STT3A: variants seen among roughly 807,000 people sequenced by gnomAD.
The protein encoded by STT3A is dolichyl-diphosphooligosaccharide--protein glycosyltransferase subunit STT3A.
A neutral mutation model predicts 89.2 loss-of-function variants in STT3A; 34 were observed. The ratio of observed to expected loss-of-function variants is 0.38; its 90% CI spans 0.29 to 0.51. The LOEUF (loss-of-function observed/expected upper bound fraction) is 0.51, where lower values mean the gene tolerates loss of function less well. Among genes scored for constraint, STT3A ranks in the 20% least tolerant of loss-of-function variants. The pLI, the probability that STT3A is intolerant of heterozygous loss-of-function variation, is 0.89. For synonymous variants in STT3A, 282 were observed against 310.3 expected (o/e 0.91, Z 0.96); for missense variants, 555 against 889.5 (o/e 0.62, Z 4.78).
intron 6 of STT3A, among the ~76,000 whole-genome samples, chr11:125,605,421 CATTA>C (rs1382343674): frequency 2.0e-5 from 3 of 152,134 alleles, no homozygotes; most frequent in African/African-American, 7.2e-5. Context: ...GCTTTACAGG[CATTA>C]ATTATATTTG....
chr11:125,613,206 G>A lies in STT3A; in HGVS notation c.1554+29G>A. Reference sequence around the variant, plus strand: ...AAGATTTGGGAGGGGTGGGAATTGTGGGTTAGGGGCAAAGGGGAAGACATT... The same window carrying A: ...AAGATTTGGGAGGGGTGGGAATTGTAGGTTAGGGGCAAAGGGGAAGACATT... On this transcript the variant is annotated intron_variant, in intron 13 of 17. Coordinates refer to ENST00000392708, the MANE Select transcript of STT3A (RefSeq NM_152713.5). The surrounding 1 kb of genome is among the most constrained non-coding windows in gnomAD (Gnocchi z 4.2). The A allele has an allele frequency of 6.2e-7, 1 of 1,609,750 alleles. No individual in the cohort carries two copies. The highest frequency in any genetic ancestry group is 8.5e-7 in the Non-Finnish European group (1 of 1,177,474).
At chr11:125,598,211 CA>C (rs900018778) in intron 3 of STT3A, among the ~76,000 whole-genome samples, 7 of 144,074 alleles carry the variant, frequency 4.9e-5, no homozygotes, top group Admixed American at 7.0e-5. Flanking sequence ...GGCTCCATCT[CA>C]AAAAAAAAAG....
chr11:125,609,758 A>T, intron 10 of STT3A, 169 bp downstream of exon 10: 1 of 647,874 alleles, frequency 1.5e-6, no homozygotes, highest in Non-Finnish European at 2.4e-6. Flanking sequence ...CAGAAGTCAG[A>T]AGTTCAACAG....
rs940331095 is a variant in STT3A, at chr11:125,613,832, T to G, written c.1555-255T>G. 3 of 414,084 alleles carry G rather than the reference T, an allele frequency of 7.2e-6. No homozygotes were observed. Among genetic ancestry groups the G allele is most frequent in the Non-Finnish European group, 1.3e-5 (3 of 224,554 alleles). The allele number at this position is 414,084 out of a possible 1,614,324, so 25.7% of individuals were successfully genotyped here. On this transcript the variant is annotated intron_variant, in intron 13 of 17. Coordinates refer to ENST00000392708, the MANE Select transcript of STT3A (RefSeq NM_152713.5). The surrounding 1 kb of genome is among the most constrained non-coding windows in gnomAD (Gnocchi z 4.2). ...CAGTCTCCCACACCTCCCACCCCAT[T>G]ATGTTAGTATAAAGTGACCTGGGAT...
intron 17 of STT3A, 45 bp from the exon 18 acceptor site, chr11:125,620,727 A>G (rs1056345930): frequency 4.4e-6 from 7 of 1,600,046 alleles, no homozygotes; most frequent in Non-Finnish European, 6.0e-6. Flanking sequence ...ATTTCTCCAA[A>G]GTTGATCTGA....
intron 3 of STT3A, among the ~76,000 whole-genome samples, chr11:125,600,734 G>A (rs1939647497): frequency 6.6e-6 from 1 of 152,132 alleles, no homozygotes; most frequent in Non-Finnish European, 1.5e-5. Context: ...TCCATTTAAA[G>A]CTCTTAAGCA....
At chr11:125,599,417 T>C (rs1939605784) in intron 3 of STT3A, among the ~76,000 whole-genome samples, 1 of 152,180 alleles carries the variant, frequency 6.6e-6, no homozygotes, top group South Asian at 2.1e-4. Flanking sequence ...TTTGTCTGTC[T>C]TCCTTTTTTT....
chr11:125,602,396 A>C lies in STT3A; in HGVS notation c.243A>C (p.Gly81=). Residue 81 remains glycine, a synonymous_variant, in exon 4 of 18, where the codon GGA becomes GGC. Transcript: ENST00000392708. ...ATGACCGAGCCTGGTACCCTTTGGG[A>C]CGAATCATTGGAGGAACAATTTACC... is the stretch of plus-strand genomic sequence containing the variant. ...WFDDRAWYPL[G]RIIGGTIYPG... is the part of the protein sequence containing the mutation. 6.2e-7 allele frequency: 1 copy of C among 1,612,488 alleles called. No homozygotes were observed. The highest frequency in any genetic ancestry group is 8.5e-7 in the Non-Finnish European group (1 of 1,179,416).
At chr11:125,602,272 A>C (rs1939705594) in intron 3 of STT3A, 31 bp from the exon 4 acceptor site, 4 of 1,604,558 alleles carry the variant, frequency 2.5e-6, no homozygotes, top group East Asian at 2.2e-5. Context: ...ATTCACCACA[A>C]ATTTACAACA....
intron 5 of STT3A, chr11:125,603,282 C>CA (rs1939736940): frequency 5.1e-6 from 1 of 196,548 alleles, no homozygotes; most frequent in Non-Finnish European, 1.0e-5. Flanking sequence ...TGAAACATTC[C>CA]AAAACGGTTA....
chr11:125,594,058 A>T (rs986173642), intron 1 of STT3A, among the ~76,000 whole-genome samples: 1 of 152,198 alleles, frequency 6.6e-6, no homozygotes, highest in East Asian at 1.9e-4. Context: ...AGATAGCTAG[A>T]AGAGTGGATT....
chr11:125,602,376 C>T lies in STT3A; in HGVS notation c.223C>T (p.Arg75Ter), dbSNP rs763165967. The T allele has an allele frequency of 5.6e-6, 9 of 1,613,192 alleles. No homozygotes were observed. Among genetic ancestry groups the T allele is most frequent in the Admixed American group, 3.3e-5 (2 of 59,906 alleles). Residue 75 changes from arginine to a stop codon, truncating the protein, a stop_gained, in exon 4 of 18, where the codon CGA becomes TGA. Coordinates refer to ENST00000392708, the MANE Select transcript of STT3A (RefSeq NM_152713.5). LOFTEE classifies it high-confidence loss of function. ...TAAATTCCATAACTGGTTTGATGAC[C>T]GAGCCTGGTACCCTTTGGGACGAAT... is the stretch of plus-strand genomic sequence containing the variant. Reference protein sequence around the residue: ...FYKFHNWFDDRAWYPLGRIIG... With the variant: ...FYKFHNWFDD
Position 125,613,114 on chromosome 11 carries a change from C to T in STT3A, c.1491C>T (p.Gly497=). 6.2e-7 allele frequency: 1 copy of T among 1,613,836 alleles called. No homozygotes were observed. Among genetic ancestry groups the T allele is most frequent in the Non-Finnish European group, 8.5e-7 (1 of 1,179,978 alleles). The change falls in exon 13 of 18, where the codon GGC becomes GGT. Residue 497 remains glycine (G), a synonymous_variant. Coordinates refer to ENST00000392708, the MANE Select transcript of STT3A (RefSeq NM_152713.5). This position sits in a 1 kb window ranked among gnomAD's most constrained non-coding sequence, Gnocchi z 4.2. ...TACTATCTGCCCGTGGTGGGGATGG[C>T]AGTAGGATCATATTTGATGACTTCC... ...SIVLSARGGD[G]SRIIFDDFRE...
At chr11:125,611,269 T>A (rs1940006768) in intron 10 of STT3A, 159 bp from the exon 11 acceptor site, 2 of 599,620 alleles carry the variant, frequency 3.3e-6, no homozygotes, top group Non-Finnish European at 5.9e-6. Flanking sequence ...AGTAAACATC[T>A]TTGCATGTTT....
intron 10 of STT3A, among the ~76,000 whole-genome samples, chr11:125,610,222 C>G (rs990682225): frequency 2.0e-5 from 3 of 151,940 alleles, no homozygotes; most frequent in African/African-American, 7.3e-5. Flanking sequence ...ACCACCATGC[C>G]CAGCTAATTT....
At position 125,613,993 on chromosome 11, in the gene STT3A, TC is replaced by T; in HGVS notation, c.1555-93del. Reference sequence around the variant, plus strand: ...AAGAAATTGATTAGTTAGCCAGGTGTCACTTCTGTCAGACCAAAGATGCCTT... The same window carrying T: ...AAGAAATTGATTAGTTAGCCAGGTGTACTTCTGTCAGACCAAAGATGCCTT... On this transcript the variant is annotated intron_variant, in intron 13 of 17. Transcript: ENST00000392708. The surrounding 1 kb of genome is among the most constrained non-coding windows in gnomAD (Gnocchi z 4.2). The T allele has an allele frequency of 2.8e-6, 3 of 1,056,638 alleles. No homozygotes were observed. Among genetic ancestry groups the T allele is most frequent in the South Asian group, 2.8e-5 (2 of 70,852 alleles). 65.5% of individuals were successfully genotyped at this position (1,056,638 alleles called of 1,614,324 possible).
rs1939728807 is a variant in STT3A at position 125,602,925 on chromosome 11, T to C, written c.394T>C (p.Tyr132His). The change falls in exon 5 of 18, where the codon TAC becomes CAC. Residue 132 changes from tyrosine to histidine, a missense_variant. Physicochemically the swap from Tyr to His is moderately conservative, Grantham distance 83. Coordinates refer to ENST00000392708, the MANE Select transcript of STT3A (RefSeq NM_152713.5). Reference protein sequence around the residue: ...LFSSFTTIVTYHLTKELKDAG... With the variant: ...LFSSFTTIVTHHLTKELKDAG... ...CTCCTCCTTCACCACCATCGTCACGTACCACCTTACCAAAGAGCTCAAGGT... is the reference window on the plus strand; with the variant it reads ...CTCCTCCTTCACCACCATCGTCACGCACCACCTTACCAAAGAGCTCAAGGT... 5 of 1,613,962 alleles carry C rather than the reference T, an allele frequency of 3.1e-6. No homozygotes were observed. Among genetic ancestry groups the C allele is most frequent in the Non-Finnish European group, 4.2e-6 (5 of 1,180,014 alleles).
At chr11:125,593,650 A>G (rs940369159) in intron 1 of STT3A, 17 of 152,230 alleles carry the variant, frequency 1.1e-4, no homozygotes, top group African/African-American at 3.9e-4. Context: ...ATTCCAGAAA[A>G]CAGCTGCAAA....
chr11:125,603,963 A>G (rs1939762416), intron 5 of STT3A, among the ~76,000 whole-genome samples, 194 bp from the exon 6 acceptor site: 1 of 152,178 alleles, frequency 6.6e-6, no homozygotes, highest in Non-Finnish European at 1.5e-5. Flanking sequence ...TGGTGTCATC[A>G]TGGGGAATTG....
Sources: gnomAD v4.1 joint callset for allele counts (sites outside exome capture counted in the v4.1 genomes callset) on GRCh38, gnomAD v4.1.1 for gene constraint, Gnocchi (gnomAD v3.1) non-coding constraint, MANE v1.5 for transcripts, NCBI Gene and HGNC (gene_info 2026-07-23, HGNC 2026-07-21) for gene names.